Variants in EVI5 observed in about 807,000 individuals in gnomAD.
EVI5 encodes the protein ecotropic viral integration site 5 protein homolog.
Under a neutral mutation model 112.0 loss-of-function variants are expected in EVI5, and 73 were observed. The ratio of observed to expected loss-of-function variants is 0.65; its 90% CI spans 0.54 to 0.79. The LOEUF (loss-of-function observed/expected upper bound fraction) is 0.79. EVI5 is among the 30% of genes least tolerant of loss of function. EVI5 has a pLI of 0.00. For synonymous variants in EVI5, 305 were observed against 319.9 expected (o/e 0.95, Z 0.50); for missense variants, 900 against 968.8 (o/e 0.93, Z 0.94).
intron 19 of EVI5, among the ~76,000 whole-genome samples, chr1:92,541,079 A>C (rs926375837): frequency 6.6e-6 from 1 of 152,200 alleles, no homozygotes; most frequent in Admixed American, 6.5e-5. Context: ...GTCTCAAAAA[A>C]ACAAAAAACA....
At chr1:92,754,670 A>G (rs529967440) in intron 1 of EVI5, among the ~76,000 whole-genome samples, 173 of 152,310 alleles carry the variant, frequency 1.1e-3, no homozygotes, top group African/African-American at 4.0e-3. Flanking sequence ...AAGACTGCTG[A>G]GTATCTTCAC....
At chr1:92,555,680 T>C (rs969976002) in intron 19 of EVI5, among the ~76,000 whole-genome samples, 1 of 151,988 alleles carries the variant, frequency 6.6e-6, no homozygotes, top group Non-Finnish European at 1.5e-5. Flanking sequence ...TGAAACCCTG[T>C]GTCTGCTAAG....
chr1:92,716,631 G>A (rs532265499), intron 2 of EVI5, among the ~76,000 whole-genome samples: 2 of 150,692 alleles, frequency 1.3e-5, no homozygotes, highest in Admixed American at 6.6e-5. Flanking sequence ...TTGAGGAGCT[G>A]ACAGAAATAG....
chr1:92,611,212 C>T (rs1223893984), intron 16 of EVI5, among the ~76,000 whole-genome samples: 1 of 150,954 alleles, frequency 6.6e-6, no homozygotes, highest in African/African-American at 2.4e-5. Context: ...AAATCCCCAC[C>T]AATATATACT....
chr1:92,740,796 G>C (rs151122536), intron 1 of EVI5, among the ~76,000 whole-genome samples: 2,105 of 152,274 alleles, frequency 0.014, 28 homozygotes, highest in Non-Finnish European at 0.022. Flanking sequence ...ATAGTCATAT[G>C]GAAAAGTATC....
At chr1:92,583,049 C>T (rs1672203135) in intron 18 of EVI5, among the ~76,000 whole-genome samples, 1 of 152,040 alleles carries the variant, frequency 6.6e-6, no homozygotes. Flanking sequence ...CTTTTTAATA[C>T]ATACAAATGG....
At position 92,575,797 on chromosome 1, in the gene EVI5, C is replaced by G. The variant is rs925193510; in HGVS notation, c.2071-12060G>C. ...CGGGCTGGTCTCAAATTCCTGACCT[C>G]AAGTGATCCACTCACTTCAGCCTCC... On this transcript the variant is annotated intron_variant, in intron 18 of 19. Coordinates refer to ENST00000684568, the MANE Select transcript of EVI5 (RefSeq NM_001350197.2). Among the ~76,000 whole-genome samples, 3 of 152,100 alleles carry G rather than the reference C, an allele frequency of 2.0e-5. No homozygotes were observed. The South Asian group carries it at 6.3e-4, about 32-fold the overall frequency.
chr1:92,532,268 C>T (rs1047405360), intron 19 of EVI5, among the ~76,000 whole-genome samples: 1 of 152,074 alleles, frequency 6.6e-6, no homozygotes, highest in Non-Finnish European at 1.5e-5. Flanking sequence ...AATACAAGAG[C>T]GCCCAGATTC....
At chr1:92,542,547 G>A (rs1042207396) in intron 19 of EVI5, among the ~76,000 whole-genome samples, 3 of 152,130 alleles carry the variant, frequency 2.0e-5, no homozygotes, top group South Asian at 2.1e-4. Flanking sequence ...AACCCTTTGC[G>A]GAGGATTTCA....
intron 1 of EVI5, among the ~76,000 whole-genome samples, chr1:92,746,383 T>C (rs925304690): frequency 6.6e-6 from 1 of 152,346 alleles, no homozygotes; most frequent in Non-Finnish European, 1.5e-5. Context: ...TGAAGGTATC[T>C]CCTATTCAAA....
chr1:92,781,332 C>A (rs1473675106), intron 1 of EVI5, among the ~76,000 whole-genome samples: 1 of 151,848 alleles, frequency 6.6e-6, no homozygotes, highest in Admixed American at 6.6e-5. Context: ...TATGTTGAAA[C>A]CCTGACTCTA....
intron 17 of EVI5, among the ~76,000 whole-genome samples, chr1:92,606,588 C>T (rs1219769891): frequency 6.6e-6 from 1 of 152,156 alleles, no homozygotes; most frequent in Non-Finnish European, 1.5e-5. Flanking sequence ...TACATTGTAA[C>T]AGCCATGCAT....
chr1:92,745,534 C>A (rs1378787807), intron 1 of EVI5, among the ~76,000 whole-genome samples: 1 of 152,128 alleles, frequency 6.6e-6, no homozygotes, highest in African/African-American at 2.4e-5. Context: ...GAAAAACAGG[C>A]CACATATGGT....
chr1:92,666,916 C>G (rs1165851967), intron 10 of EVI5, among the ~76,000 whole-genome samples: 6 of 152,142 alleles, frequency 3.9e-5, no homozygotes, highest in African/African-American at 1.4e-4. Flanking sequence ...ACAGAGCCTA[C>G]CTATATAATT....
At chr1:92,790,762 T>A (rs1286970591) in intron 1 of EVI5, among the ~76,000 whole-genome samples, 1 of 150,308 alleles carries the variant, frequency 6.7e-6, no homozygotes, top group Non-Finnish European at 1.5e-5. Flanking sequence ...GAGGTTGCAG[T>A]GAGCTGACAT....
intron 16 of EVI5, among the ~76,000 whole-genome samples, chr1:92,611,860 G>A (rs996857584): frequency 2.6e-5 from 4 of 151,668 alleles, no homozygotes; most frequent in Non-Finnish European, 5.9e-5. Context: ...AGTGAGATAC[G>A]ATGGAGCCTA....
chr1:92,622,594 G>A (rs892985568), intron 16 of EVI5, among the ~76,000 whole-genome samples: 3 of 152,110 alleles, frequency 2.0e-5, no homozygotes, highest in Admixed American at 6.6e-5. Flanking sequence ...ATACATGGGT[G>A]TTTGATACAA....
At chr1:92,645,557 A>AC in intron 13 of EVI5, among the ~76,000 whole-genome samples, 1 of 151,988 alleles carries the variant, frequency 6.6e-6, no homozygotes, top group South Asian at 2.1e-4. Context: ...AGACTATTTC[A>AC]CCCCTACCTA....
In EVI5 at chr1:92,607,968, A is replaced by T. The variant is rs747522122; in HGVS notation, c.1828-241T>A. On this transcript the variant is annotated intron_variant, in intron 16 of 19. Transcript: ENST00000684568. Reference sequence around the variant, plus strand: ...AGACCATCCCGGCTAACGCGGTGAAACCCCGTCTCTACTAAAATTACAAAA... The same window carrying T: ...AGACCATCCCGGCTAACGCGGTGAATCCCCGTCTCTACTAAAATTACAAAA... 1.6e-3 allele frequency among the ~76,000 whole-genome samples: 239 copies of T among 151,026 alleles called. 2 individuals are homozygous for T. The highest frequency in any genetic ancestry group is 6.8e-3 in the Middle Eastern group (2 of 294).
Sources: allele counts gnomAD v4.1 joint callset (sites outside exome capture counted in the v4.1 genomes callset), GRCh38; gene constraint gnomAD v4.1.1; transcripts MANE v1.5; gene names NCBI Gene and HGNC (gene_info 2026-07-23, HGNC 2026-07-21).